EPS8: variants seen among roughly 807,000 people sequenced by gnomAD.
EPS8 encodes the protein epidermal growth factor receptor kinase substrate 8.
Under a neutral mutation model 103.8 loss-of-function variants are expected in EPS8, and 42 were observed. That is an observed-to-expected ratio of 0.40 (90% confidence interval 0.32 to 0.52). The LOEUF is 0.52. EPS8 is among the 20% of genes least tolerant of loss of function. The pLI, the probability that EPS8 is intolerant of heterozygous loss-of-function variation, is 0.40. For missense variants in EPS8, 969 were observed against 1,005.1 expected (o/e 0.96, Z 0.49); for synonymous variants, 344 against 344.6 (o/e 1.00, Z 0.02).
chr12:15,734,965 G>A lies in EPS8; in HGVS notation c.-21-51993C>T, dbSNP rs1467577337. Among the ~76,000 whole-genome samples the A allele has an allele frequency of 6.6e-6, 1 of 152,032 alleles. No individual in the cohort carries two copies. The highest frequency in any genetic ancestry group is 1.5e-5 in the Non-Finnish European group (1 of 68,018). On this transcript the variant is annotated intron_variant, in intron 1 of 20. Transcript: ENST00000281172. This position sits in a 1 kb window ranked among gnomAD's most constrained non-coding sequence, Gnocchi z 4.1. Reference sequence around the variant, plus strand: ...TGACACAAAGATGTCAAGGAACTAGGGTCACAACACTGAAGGGCATCTGTA... The same window carrying A: ...TGACACAAAGATGTCAAGGAACTAGAGTCACAACACTGAAGGGCATCTGTA...
intron 17 of EPS8, among the ~76,000 whole-genome samples, chr12:15,636,420 G>A (rs1423886058): frequency 6.6e-6 from 1 of 152,102 alleles, no homozygotes; most frequent in Non-Finnish European, 1.5e-5. Flanking sequence ...TACATTAGGT[G>A]GGAATGGTTG....
intron 1 of EPS8, among the ~76,000 whole-genome samples, chr12:15,687,365 C>T (rs1268556282): frequency 6.6e-6 from 1 of 152,108 alleles, no homozygotes; most frequent in Non-Finnish European, 1.5e-5. Context: ...GTGAAGGTAT[C>T]ACAATTTCTA....
intron 1 of EPS8, among the ~76,000 whole-genome samples, chr12:15,718,370 C>T (rs73315087): frequency 0.01 from 1,531 of 152,138 alleles, 30 homozygotes; most frequent in African/African-American, 0.035. Flanking sequence ...AACCTAATGA[C>T]GAATAAGGAA....
intron 1 of EPS8, among the ~76,000 whole-genome samples, chr12:15,783,299 C>T (rs1565542561): frequency 6.6e-6 from 1 of 152,100 alleles, no homozygotes; most frequent in African/African-American, 2.4e-5. Context: ...ATGTAATATA[C>T]ATATAATATA....
chr12:15,675,124 A>G (rs1262015216), intron 3 of EPS8, among the ~76,000 whole-genome samples: 2 of 152,234 alleles, frequency 1.3e-5, no homozygotes, highest in African/African-American at 4.8e-5. Flanking sequence ...GAGTTGAATC[A>G]AGCACTGTGT....
chr12:15,705,529 C>A (rs1037807627), intron 1 of EPS8, among the ~76,000 whole-genome samples: 1 of 152,050 alleles, frequency 6.6e-6, no homozygotes, highest in African/African-American at 2.4e-5. Flanking sequence ...ATTTTAACGG[C>A]AATTGGAGAA....
At position 15,722,860 on chromosome 12, in the gene EPS8, A is replaced by G. The variant is rs75040135; in HGVS notation, c.-21-39888T>C. ...ACTTAATCACCTTCCAAAAGGCCCC[A>G]TCTCTTCTTCATACTATCACATCGA... On this transcript the variant is annotated intron_variant, in intron 1 of 20. Coordinates refer to ENST00000281172, the MANE Select transcript of EPS8 (RefSeq NM_004447.6). Among the ~76,000 whole-genome samples the G allele has an allele frequency of 4.1e-4, 62 of 152,220 alleles. No individual in the cohort carries two copies. In the East Asian group the frequency reaches 0.012, roughly 29 times the overall value.
chr12:15,663,089 T>C (rs961057785), intron 8 of EPS8, among the ~76,000 whole-genome samples: 9 of 152,146 alleles, frequency 5.9e-5, no homozygotes, highest in Non-Finnish European at 1.3e-4. Context: ...TTAAAATTTC[T>C]ATCTATGAAA....
chr12:15,706,175 G>T lies in EPS8; in HGVS notation c.-21-23203C>A, dbSNP rs1213076286. 6.6e-6 allele frequency among the ~76,000 whole-genome samples: 1 copy of T among 152,112 alleles called. No homozygotes were observed. The highest frequency in any genetic ancestry group is 1.5e-5 in the Non-Finnish European group (1 of 68,032). On this transcript the variant is annotated intron_variant, in intron 1 of 20. Coordinates refer to ENST00000281172, the MANE Select transcript of EPS8 (RefSeq NM_004447.6). The surrounding 1 kb of genome is among the most constrained non-coding windows in gnomAD (Gnocchi z 5.2). ...CTTGTAAAATGGTCCCTCCCATTGA[G>T]ACAGCTAAGTGGGAGGGGATCCCTG...
rs1164816302 is a variant in EPS8 at position 15,621,263 on chromosome 12, A to C, written c.*54T>G. Reference sequence around the variant, plus strand: ...CATTCCCTTCAAGGCTTCTTAAAACAAAGCATGTTGGAATAATGCCAAAAA... The same window carrying C: ...CATTCCCTTCAAGGCTTCTTAAAACCAAGCATGTTGGAATAATGCCAAAAA... On this transcript the variant is annotated 3_prime_UTR_variant, in exon 21 of 21. Transcript: ENST00000281172. The C allele has an allele frequency of 1.1e-6, 1 of 906,772 alleles. No homozygotes were observed. The highest frequency in any genetic ancestry group is 1.8e-5 in the African/African-American group (1 of 56,952). 56.2% of individuals were successfully genotyped at this position (906,772 alleles called of 1,614,324 possible). A position where few individuals can be genotyped will look rare whatever the true frequency, so the allele number is the denominator to read the frequency against.
At chr12:15,723,707 T>A (rs1477196511) in intron 1 of EPS8, among the ~76,000 whole-genome samples, 1 of 152,200 alleles carries the variant, frequency 6.6e-6, no homozygotes, top group Non-Finnish European at 1.5e-5. Context: ...CTGTTTATCT[T>A]TTTATAAATC....
At chr12:15,647,386 G>A (rs1945338497) in intron 14 of EPS8, 126 bp from the exon 15 acceptor site, 1 of 769,546 alleles carries the variant, frequency 1.3e-6, no homozygotes, top group Non-Finnish European at 2.0e-6. Context: ...TGACCATTAT[G>A]TTAACACATT....
Position 15,627,475 on chromosome 12 carries a change from C to T in EPS8, c.2045-3068G>A, listed in dbSNP as rs145082768. 1.0e-3 allele frequency among the ~76,000 whole-genome samples: 159 copies of T among 151,812 alleles called. 1 individual carries two copies. The highest frequency in any genetic ancestry group is 3.6e-3 in the African/African-American group (147 of 41,376). On this transcript the variant is annotated intron_variant, in intron 18 of 20. Transcript: ENST00000281172. ...TGAGGCATTCTGCTGACTTTTTCAC[C>T]GAGACTTTGAGAATCATCATGTACA... is the stretch of plus-strand genomic sequence containing the variant.
At chr12:15,640,641 A>G in intron 17 of EPS8, 62 bp downstream of exon 17, 1 of 1,480,104 alleles carries the variant, frequency 6.8e-7, no homozygotes, top group Middle Eastern at 1.8e-4. Context: ...TTTAAATCCT[A>G]CTTAAGAGTG....
At chr12:15,623,440 G>A (rs2135709627) in intron 19 of EPS8, among the ~76,000 whole-genome samples, 153 bp from the exon 20 acceptor site, 1 of 152,180 alleles carries the variant, frequency 6.6e-6, no homozygotes, top group South Asian at 2.1e-4. Context: ...TTATAGTTAG[G>A]GCAATGACAA....
At position 15,700,925 on chromosome 12, in the gene EPS8, G is replaced by T. The variant is rs1241431911; in HGVS notation, c.-21-17953C>A. ...AAACCCAGCCAGGTTTCAAAGTAAAGAACATTTTCATAAACATACGGTCAG... is the reference window on the plus strand; with the variant it reads ...AAACCCAGCCAGGTTTCAAAGTAAATAACATTTTCATAAACATACGGTCAG... On this transcript the variant is annotated intron_variant, in intron 1 of 20. Coordinates refer to ENST00000281172, the MANE Select transcript of EPS8 (RefSeq NM_004447.6). This position sits in a 1 kb window ranked among gnomAD's most constrained non-coding sequence, Gnocchi z 5.1. Among the ~76,000 whole-genome samples, 1 of 152,148 alleles carries T rather than the reference G, an allele frequency of 6.6e-6. No individual in the cohort carries two copies. The highest frequency in any genetic ancestry group is 2.4e-5 in the African/African-American group (1 of 41,424).
chr12:15,658,558 G>T lies in EPS8; in HGVS notation c.965C>A (p.Pro322His). Residue 322 changes from proline (P) to histidine (H), a missense_variant, in exon 11 of 21, where the codon CCT becomes CAT. Coordinates refer to ENST00000281172, the MANE Select transcript of EPS8 (RefSeq NM_004447.6). ...GTCAAGAAATTCATCAGGAGGTGGA[G>T]GTTTTGCCCGCAGCGTTAAAACACC... ...GEGVLTLRAKPPPPDEFLDCF... is the reference protein window; with the variant it reads ...GEGVLTLRAKHPPPDEFLDCF... 1 of 1,613,136 alleles carries T rather than the reference G, an allele frequency of 6.2e-7. No individual in the cohort carries two copies. Among genetic ancestry groups the T allele is most frequent in the Non-Finnish European group, 8.5e-7 (1 of 1,179,246 alleles).
At chr12:15,677,895 A>T (rs1945937287) in intron 3 of EPS8, among the ~76,000 whole-genome samples, 1 of 152,038 alleles carries the variant, frequency 6.6e-6, no homozygotes. Context: ...TGTTTTGAAG[A>T]TACATATAAT....
chr12:15,718,256 G>A lies in EPS8; in HGVS notation c.-21-35284C>T, dbSNP rs574415314. On this transcript the variant is annotated intron_variant, in intron 1 of 20. Transcript: ENST00000281172. ...ACATTTTCCTAATTCAAATTTAAAA[G>A]GAGAAAACCTATTTAATTAGATTTT... 5.9e-5 allele frequency among the ~76,000 whole-genome samples: 9 copies of A among 152,150 alleles called. No homozygotes were observed. The East Asian group carries it at 1.7e-3, about 29-fold the overall frequency.
Sources: allele counts gnomAD v4.1 joint callset (sites outside exome capture counted in the v4.1 genomes callset), GRCh38; gene constraint gnomAD v4.1.1; non-coding constraint Gnocchi (gnomAD v3.1); transcripts MANE v1.5; gene names NCBI Gene and HGNC (gene_info 2026-07-23, HGNC 2026-07-21).